The following CDH23 variants were observed in gnomAD, a reference collection of about 807,000 sequenced individuals.
CDH23 encodes the protein cadherin-23.
Under a neutral mutation model 317.1 loss-of-function variants are expected in CDH23, and 189 were observed. The ratio of observed to expected loss-of-function variants is 0.60; its 90% CI spans 0.53 to 0.67. The LOEUF (loss-of-function observed/expected upper bound fraction) is 0.67. Among genes scored for constraint, CDH23 ranks in the 30% least tolerant of loss-of-function variants. The probability of loss-of-function intolerance (pLI) is 0.00; values close to 1 mark genes in which losing one functional copy is unlikely to be tolerated. For synonymous variants in CDH23, 1,839 were observed against 1,876.8 expected, an observed-to-expected ratio of 0.98 and a Z score of 0.52; for missense variants, 4,401 against 4,592.4, an observed-to-expected ratio of 0.96 and a Z score of 1.20.
intron 51 of CDH23, 53 bp from the exon 52 acceptor site, chr10:71,799,439 G>A (rs564235458): frequency 1.1e-5 from 18 of 1,612,712 alleles, no homozygotes; most frequent in African/African-American, 4.0e-5. Flanking sequence ...GGCTGTGCTC[G>A]GGCTCTGGGA....
rs116714525 is a variant in CDH23, at chr10:71,513,621, G to A, written c.429+2409G>A. ...TCTCAGCAGGCTTCCTGGAGGAGGT[G>A]GGTTTCCAGCAGAGTCTGGCTGAGG... On this transcript the variant is annotated intron_variant, in intron 6 of 69. Coordinates refer to ENST00000224721, the MANE Select transcript of CDH23 (RefSeq NM_022124.6). Among the ~76,000 whole-genome samples, 470 of 152,308 alleles carry A rather than the reference G, an allele frequency of 3.1e-3. 2 individuals carry two copies. The highest frequency in any genetic ancestry group is 0.011 in the African/African-American group (448 of 41,566).
At chr10:71,617,909 T>G (rs2132521649) in intron 11 of CDH23, among the ~76,000 whole-genome samples, 1 of 152,028 alleles carries the variant, frequency 6.6e-6, no homozygotes, top group Non-Finnish European at 1.5e-5. Flanking sequence ...GGAGAATTGC[T>G]TGAAGCTGGG....
At chr10:71,750,236 A>T (rs552316488) in intron 38 of CDH23, 1 of 152,158 alleles carries the variant, frequency 6.6e-6, no homozygotes, top group African/African-American at 2.4e-5. Context: ...CCCAGATTGT[A>T]TGGAGTGGAA....
rs966344007 is a variant in CDH23 at position 71,784,516 on chromosome 10, G to A, written c.5502+96G>A. ...CATTGTTACCCTTGTGCCAAGAGAGGCCACAGGCTGCCCTGGAGCCAGGCC... is the reference window on the plus strand; with the variant it reads ...CATTGTTACCCTTGTGCCAAGAGAGACCACAGGCTGCCCTGGAGCCAGGCC... On this transcript the variant is annotated intron_variant, in intron 42 of 69. Transcript: ENST00000224721. The A allele has an allele frequency of 6.0e-6, 9 of 1,497,316 alleles. No individual in the cohort carries two copies. The East Asian group carries it at 1.4e-4, about 23-fold the overall frequency. The allele number at this position is 1,497,316 out of a possible 1,614,324, so 92.8% of individuals were successfully genotyped here. A position where few individuals can be genotyped will look rare whatever the true frequency, so the allele number is the denominator to read the frequency against.
In CDH23 at chr10:71,797,702, G is replaced by A. The variant is rs568929890; in HGVS notation, c.6829+482G>A. 1.5e-3 allele frequency among the ~76,000 whole-genome samples: 225 copies of A among 152,308 alleles called. 9 individuals are homozygous for A. In the South Asian group the frequency reaches 0.046, roughly 31 times the overall value. ...TTTGGGGGTGCAGGCACTTACGGTG[G>A]AGAACGGAGGGGCCCAGTGTTACCT... On this transcript the variant is annotated intron_variant, in intron 49 of 69. Transcript: ENST00000224721.
rs1229355741 is a variant in CDH23 at position 71,578,305 on chromosome 10, G to A, written c.832+313G>A. On this transcript the variant is annotated intron_variant, in intron 9 of 69. Transcript: ENST00000224721. ...AGACGGTTGGGCACTTTGGGGCTCTGGGCCTGGGACTTTGGTGACTCCTAT... is the reference window on the plus strand; with the variant it reads ...AGACGGTTGGGCACTTTGGGGCTCTAGGCCTGGGACTTTGGTGACTCCTAT... Among the ~76,000 whole-genome samples the A allele has an allele frequency of 3.9e-5, 6 of 152,166 alleles. No homozygotes were observed. The East Asian group carries it at 1.2e-3, about 29-fold the overall frequency.
At chr10:71,803,877 C>T (rs374770240) in intron 55 of CDH23, among the ~76,000 whole-genome samples, 5 of 147,322 alleles carry the variant, frequency 3.4e-5, no homozygotes, top group African/African-American at 7.6e-5. Context: ...CCCAGCTACT[C>T]GGGAGGCTGA....
chr10:71,482,336 A>G (rs1428536016), intron 3 of CDH23, among the ~76,000 whole-genome samples: 2 of 152,156 alleles, frequency 1.3e-5, no homozygotes, highest in Non-Finnish European at 2.9e-5. Flanking sequence ...TCCCTGTCAT[A>G]AAGGACCTCA....
chr10:71,665,187 C>T (rs1257447287), intron 14 of CDH23, among the ~76,000 whole-genome samples: 1 of 152,216 alleles, frequency 6.6e-6, no homozygotes, highest in Non-Finnish European at 1.5e-5. Context: ...AGTCAACATT[C>T]ACCCAGGTGC....
rs1230920578 is a variant in CDH23, at chr10:71,815,439, A to AC, written c.*162dup. ...AGCCCGCATCAGCTGCTCAGATCCC[A>AC]CTTTTGCCAGACGCTCATTCAGCAT... On this transcript the variant is annotated 3_prime_UTR_variant, in exon 70 of 70. Coordinates refer to ENST00000224721, the MANE Select transcript of CDH23 (RefSeq NM_022124.6). 14 of 571,640 alleles carry AC rather than the reference A, an allele frequency of 2.4e-5. No homozygotes were observed. The East Asian group carries it at 4.1e-4, about 17-fold the overall frequency. The allele number at this position is 571,640 out of a possible 1,614,324, so 35.4% of individuals were successfully genotyped here. A position where few individuals can be genotyped will look rare whatever the true frequency, so the allele number is the denominator to read the frequency against.
At chr10:71,620,570 C>T (rs978019970) in intron 11 of CDH23, among the ~76,000 whole-genome samples, 1 of 152,198 alleles carries the variant, frequency 6.6e-6, no homozygotes, top group African/African-American at 2.4e-5. Context: ...GTGACCGCCC[C>T]CCACCCAGGC....
intron 60 of CDH23, among the ~76,000 whole-genome samples, chr10:71,808,787 T>C (rs1841820811): frequency 6.6e-6 from 1 of 152,104 alleles, no homozygotes; most frequent in Admixed American, 6.5e-5. Flanking sequence ...TTAAGGGCCC[T>C]GTGCCCAGCC....
intron 14 of CDH23, among the ~76,000 whole-genome samples, chr10:71,661,438 A>G (rs1863645959): frequency 6.6e-6 from 1 of 152,136 alleles, no homozygotes; most frequent in Non-Finnish European, 1.5e-5. Flanking sequence ...CTTTTCTCTG[A>G]ACACCTCCGT....
Position 71,432,752 on chromosome 10 carries a change from G to A in CDH23, c.-5-7075G>A, listed in dbSNP as rs536676540. 3.2e-4 allele frequency among the ~76,000 whole-genome samples: 49 copies of A among 152,294 alleles called. 1 individual carries two copies. Among genetic ancestry groups the A allele is most frequent in the Admixed American group, 2.4e-3 (37 of 15,306 alleles). The stretch of plus-strand genomic sequence containing the variant: ...GAGCAATCCGACCTCCTCGCCTAGC[G>A]AGGAAAGACCCAGTGGGGCTGGACT... On this transcript the variant is annotated intron_variant, in intron 1 of 69. Coordinates refer to ENST00000224721, the MANE Select transcript of CDH23 (RefSeq NM_022124.6).
rs114988574 is a variant in CDH23, at chr10:71,662,636, G to A, written c.1450-12476G>A. 8.2e-3 allele frequency among the ~76,000 whole-genome samples: 1,248 copies of A among 152,176 alleles called. 25 individuals are homozygous for A. The highest frequency in any genetic ancestry group is 0.029 in the African/African-American group (1,199 of 41,492). ...TCCCACTTAACTGAGCCTCAGACAC[G>A]GTGTCTGTCCCCACATCTCTCAGGC... On this transcript the variant is annotated intron_variant, in intron 14 of 69. Coordinates refer to ENST00000224721, the MANE Select transcript of CDH23 (RefSeq NM_022124.6).
chr10:71,678,724 T>G (rs940962977), intron 16 of CDH23, among the ~76,000 whole-genome samples: 1 of 152,178 alleles, frequency 6.6e-6, no homozygotes, highest in African/African-American at 2.4e-5. Context: ...GAAAGAAGCT[T>G]ATTAATTCAG....
At chr10:71,727,176 A>G (rs1156265270) in intron 30 of CDH23, among the ~76,000 whole-genome samples, 1 of 152,182 alleles carries the variant, frequency 6.6e-6, no homozygotes, top group Non-Finnish European at 1.5e-5. Flanking sequence ...CCCCCATCTT[A>G]CAGATGACAA....
chr10:71,716,308 G>C (rs1374997816), intron 28 of CDH23: 3 of 1,502,480 alleles, frequency 2.0e-6, no homozygotes, highest in Non-Finnish European at 2.7e-6. Flanking sequence ...TGGCTGGGGA[G>C]CTGGCGAGGC....
intron 9 of CDH23, among the ~76,000 whole-genome samples, chr10:71,593,940 A>G (rs1270726455): frequency 6.6e-6 from 1 of 152,162 alleles, no homozygotes; most frequent in Admixed American, 6.5e-5. Flanking sequence ...GCAACGGAGT[A>G]AGGCCTCATC....
Sources: gnomAD v4.1 joint callset for allele counts (sites outside exome capture counted in the v4.1 genomes callset) on GRCh38, gnomAD v4.1.1 for gene constraint, MANE v1.5 for transcripts, NCBI Gene and HGNC (gene_info 2026-07-23, HGNC 2026-07-21) for gene names.